The following DCUN1D5 variants were observed in gnomAD, a reference collection of about 807,000 sequenced individuals.
The protein encoded by DCUN1D5 is defective in cullin neddylation 1 domain containing 5, also known as DCN1-like protein 5.
Under a neutral mutation model 38.3 loss-of-function variants are expected in DCUN1D5, and 10 were observed. The observed-to-expected ratio is 0.26, with a 90% CI of 0.16 to 0.44. The LOEUF is 0.44. Ranked by LOEUF, DCUN1D5 falls within the 20% of genes least tolerant of loss-of-function variation. The pLI, the probability that DCUN1D5 is intolerant of heterozygous loss-of-function variation, is 1.00. For missense variants in DCUN1D5, 148 were observed against 275.3 expected (o/e 0.54, Z 3.27); for synonymous variants, 93 against 90.9 (o/e 1.02, Z -0.13).
At position 103,050,734 on chromosome 11, in the gene DCUN1D5, C is replaced by A. The variant is rs1861705764; in HGVS notation, c.*11625G>T. On this transcript the variant is annotated 3_prime_UTR_variant, in exon 8 of 8. Transcript: ENST00000260247. ...TTTATCTATTCATTTTCATTTATTC[C>A]ATTTATTGAGTGCTTTTCTATACTG... is the stretch of plus-strand genomic sequence containing the variant. The A allele has an allele frequency of 6.6e-6, 1 of 152,084 alleles. No individual in the cohort carries two copies. Among genetic ancestry groups the A allele is most frequent in the Non-Finnish European group, 1.5e-5 (1 of 68,014 alleles). The allele number at this position is 152,084 out of a possible 1,614,324, so 9.4% of individuals were successfully genotyped here.
In DCUN1D5 at chr11:103,073,316, A is replaced by C. The variant is rs1862326707; in HGVS notation, c.342-6749T>G. On this transcript the variant is annotated intron_variant, in intron 4 of 7. Transcript: ENST00000260247. This position sits in a 1 kb window ranked among gnomAD's most constrained non-coding sequence, Gnocchi z 4.2. Reference sequence around the variant, plus strand: ...AAAAAGAGAGAAGACAAAAATTACCAATATCAGGAATATTAAGAGTATTCA... The same window carrying C: ...AAAAAGAGAGAAGACAAAAATTACCCATATCAGGAATATTAAGAGTATTCA... Among the ~76,000 whole-genome samples, 1 of 152,232 alleles carries C rather than the reference A, an allele frequency of 6.6e-6. No individual in the cohort carries two copies. Among genetic ancestry groups the C allele is most frequent in the Non-Finnish European group, 1.5e-5 (1 of 68,028 alleles).
intron 2 of DCUN1D5, among the ~76,000 whole-genome samples, chr11:103,084,624 A>T (rs1451676582): frequency 1.3e-5 from 2 of 152,222 alleles, no homozygotes; most frequent in Non-Finnish European, 2.9e-5. Context: ...TACATATACA[A>T]TAAAGGTGTT....
rs575316050 is a variant in DCUN1D5 at position 103,092,128 on chromosome 11, G to C, written c.-256C>G. On this transcript the variant is annotated 5_prime_UTR_variant, in exon 1 of 8. Coordinates refer to ENST00000260247, the MANE Select transcript of DCUN1D5 (RefSeq NM_032299.4). ...GTTCTCACCGGGAGGAGATAACGCGGACAGCGCGGCAGCTCCACCAGTCAC... is the reference window on the plus strand; with the variant it reads ...GTTCTCACCGGGAGGAGATAACGCGCACAGCGCGGCAGCTCCACCAGTCAC... 1 of 451,190 alleles carries C rather than the reference G, an allele frequency of 2.2e-6. No homozygotes were observed. The highest frequency in any genetic ancestry group is 2.0e-5 in the African/African-American group (1 of 49,290). The allele number at this position is 451,190 out of a possible 1,614,324, so 27.9% of individuals were successfully genotyped here.
intron 4 of DCUN1D5, among the ~76,000 whole-genome samples, chr11:103,070,768 C>G (rs1862251555): frequency 6.6e-6 from 1 of 152,118 alleles, no homozygotes; most frequent in East Asian, 1.9e-4. Flanking sequence ...CAACAGAATA[C>G]ACATTCTTTT....
chr11:103,059,244 A>G lies in DCUN1D5; in HGVS notation c.*3115T>C, dbSNP rs1380888215. On this transcript the variant is annotated 3_prime_UTR_variant, in exon 8 of 8. Coordinates refer to ENST00000260247, the MANE Select transcript of DCUN1D5 (RefSeq NM_032299.4). ...TGTTGAAGAAATACTTCAAAGTGAA[A>G]TGTTTCATTTTATACGTATGTATCA... Among the ~76,000 whole-genome samples the G allele has an allele frequency of 6.6e-6, 1 of 152,154 alleles. No homozygotes were observed. Among genetic ancestry groups the G allele is most frequent in the Admixed American group, 6.6e-5 (1 of 15,260 alleles).
chr11:103,077,731 G>A lies in DCUN1D5; in HGVS notation c.341+5017C>T, dbSNP rs12294416. On this transcript the variant is annotated intron_variant, in intron 4 of 7. Transcript: ENST00000260247. This position sits in a 1 kb window ranked among gnomAD's most constrained non-coding sequence, Gnocchi z 4.3. ...TCCTAATCCATAAGTCCCAGTGACT[G>A]TGCTGTGACACATTGATGTGTAACA... 0.033 allele frequency among the ~76,000 whole-genome samples: 5,063 copies of A among 152,290 alleles called. 287 individuals are homozygous for A. Among genetic ancestry groups the A allele is most frequent in the African/African-American group, 0.12 (4,802 of 41,528 alleles).
Position 103,053,959 on chromosome 11 carries a change from T to C in DCUN1D5, c.*8400A>G, listed in dbSNP as rs1274006867. The C allele has an allele frequency of 6.6e-6, 1 of 152,126 alleles. No individual in the cohort carries two copies. The highest frequency in any genetic ancestry group is 1.5e-5 in the Non-Finnish European group (1 of 67,978). 9.4% of individuals were successfully genotyped at this position (152,126 alleles called of 1,614,324 possible). ...ATAAGGACTATTATTATCCTCATGT[T>C]ACAGACAAGGAAATGAAAGAACTAG... On this transcript the variant is annotated 3_prime_UTR_variant, in exon 8 of 8. Transcript: ENST00000260247. This position sits in a 1 kb window ranked among gnomAD's most constrained non-coding sequence, Gnocchi z 4.8.
chr11:103,062,395 TTCA>T lies in DCUN1D5; in HGVS notation c.675_677del (p.Asp225del), dbSNP rs775020924. On this transcript the variant is annotated inframe_deletion, in exon 8 of 8. Transcript: ENST00000260247. The surrounding 1 kb of genome is among the most constrained non-coding windows in gnomAD (Gnocchi z 4.6). Reference sequence around the variant, plus strand: ...GACGGACTTTTTGCCACTCAACAAATTCATCAAGAAGAACAGGCCCTAGAAAAA... The same window carrying T: ...GACGGACTTTTTGCCACTCAACAAATTCAAGAAGAACAGGCCCTAGAAAAA... 6.2e-7 allele frequency: 1 copy of T among 1,613,320 alleles called. No homozygotes were observed. The highest frequency in any genetic ancestry group is 2.2e-5 in the East Asian group (1 of 44,848).
In DCUN1D5 at chr11:103,083,246, TA is replaced by T. The variant is rs374525395; in HGVS notation, c.249+9del. On this transcript the variant is annotated intron_variant, in intron 3 of 7. Transcript: ENST00000260247. This position sits in a 1 kb window ranked among gnomAD's most constrained non-coding sequence, Gnocchi z 4.4. The stretch of plus-strand genomic sequence containing the variant: ...ACTTATATGCCATTCTACTTAGAAA[TA>T]AAACATACATTTTCAGGTTCAACAC... The T allele has an allele frequency of 2.4e-3, 3,510 of 1,485,242 alleles. 17 individuals carry two copies. Among genetic ancestry groups the T allele is most frequent in the South Asian group, 8.7e-3 (765 of 87,598 alleles). The allele number at this position is 1,485,242 out of a possible 1,614,324, so 92.0% of individuals were successfully genotyped here.
Position 103,087,240 on chromosome 11 carries a change from G to C in DCUN1D5, c.178+1987C>G, listed in dbSNP as rs575324101. On this transcript the variant is annotated intron_variant, in intron 2 of 7. Coordinates refer to ENST00000260247, the MANE Select transcript of DCUN1D5 (RefSeq NM_032299.4). This position sits in a 1 kb window ranked among gnomAD's most constrained non-coding sequence, Gnocchi z 4.1. ...GGCTGGAGTGCAGTGGTGTTATCTC[G>C]GCTCACTGTGAGCTCCGCCTCCTGG... Among the ~76,000 whole-genome samples, 5 of 149,088 alleles carry C rather than the reference G, an allele frequency of 3.4e-5. No homozygotes were observed. The highest frequency in any genetic ancestry group is 7.4e-5 in the Non-Finnish European group (5 of 67,504).
rs2134598579 is a variant in DCUN1D5, at chr11:103,061,986, T to C, written c.*373A>G. 1 of 185,938 alleles carries C rather than the reference T, an allele frequency of 5.4e-6. No homozygotes were observed. The highest frequency in any genetic ancestry group is 1.3e-4 in the South Asian group (1 of 7,456). 11.5% of individuals were successfully genotyped at this position (185,938 alleles called of 1,614,324 possible). A position where few individuals can be genotyped will look rare whatever the true frequency, so the allele number is the denominator to read the frequency against. On this transcript the variant is annotated 3_prime_UTR_variant, in exon 8 of 8. Coordinates refer to ENST00000260247, the MANE Select transcript of DCUN1D5 (RefSeq NM_032299.4). ...TAAGACTGTTTAAAATCTTGAAAAT[T>C]CTGTAAATTCACGGTGAATTGGAAC... is the stretch of plus-strand genomic sequence containing the variant.
At chr11:103,070,080 C>T (rs555174825) in intron 4 of DCUN1D5, among the ~76,000 whole-genome samples, 5 of 147,816 alleles carry the variant, frequency 3.4e-5, no homozygotes, top group Admixed American at 1.3e-4. Flanking sequence ...TAATTAAAAA[C>T]GTAATAGAAA....
chr11:103,086,778 C>T lies in DCUN1D5; in HGVS notation c.178+2449G>A, dbSNP rs1246180179. Among the ~76,000 whole-genome samples, 2 of 151,634 alleles carry T rather than the reference C, an allele frequency of 1.3e-5. No homozygotes were observed. Among genetic ancestry groups the T allele is most frequent in the African/African-American group, 4.8e-5 (2 of 41,256 alleles). On this transcript the variant is annotated intron_variant, in intron 2 of 7. Coordinates refer to ENST00000260247, the MANE Select transcript of DCUN1D5 (RefSeq NM_032299.4). The surrounding 1 kb of genome is among the most constrained non-coding windows in gnomAD (Gnocchi z 4.1). ...TATTGAATGGATGACAGAAATTAAC[C>T]AAGAGTACCAATATTTTCTTTGCAA...
rs1454218793 is a variant in DCUN1D5, at chr11:103,077,416, C to T, written c.341+5332G>A. 1.3e-5 allele frequency among the ~76,000 whole-genome samples: 2 copies of T among 152,086 alleles called. No homozygotes were observed. The highest frequency in any genetic ancestry group is 4.8e-5 in the African/African-American group (2 of 41,412). On this transcript the variant is annotated intron_variant, in intron 4 of 7. Transcript: ENST00000260247. The surrounding 1 kb of genome is among the most constrained non-coding windows in gnomAD (Gnocchi z 4.3). ...CCTCCGAAATAAAAAGAAATGCATA[C>T]TTAACTAGCGTACTATGGAAAGCAA...
intron 4 of DCUN1D5, among the ~76,000 whole-genome samples, chr11:103,081,065 A>G (rs578183625): frequency 2.6e-5 from 4 of 152,236 alleles, no homozygotes; most frequent in Non-Finnish European, 5.9e-5. Flanking sequence ...ACGCAAGACC[A>G]TATGATGTTG....
chr11:103,076,319 A>G (rs1452246422), intron 4 of DCUN1D5, among the ~76,000 whole-genome samples: 1 of 152,230 alleles, frequency 6.6e-6, no homozygotes, highest in Non-Finnish European at 1.5e-5. Context: ...CCTATCTGGG[A>G]GAAACTTAGT....
In DCUN1D5 at chr11:103,064,227, T is replaced by C. The variant is rs1862080914; in HGVS notation, c.658+48A>G. The C allele has an allele frequency of 6.8e-7, 1 of 1,471,358 alleles. No individual in the cohort carries two copies. 91.1% of individuals were successfully genotyped at this position (1,471,358 alleles called of 1,614,324 possible). A position where few individuals can be genotyped will look rare whatever the true frequency, so the allele number is the denominator to read the frequency against. ...TACACAAATGCATACTCTCATTTAA[T>C]ATTTTTGGAAATTTTGTTTTCAAAG... On this transcript the variant is annotated intron_variant, in intron 7 of 7. Transcript: ENST00000260247. The surrounding 1 kb of genome is among the most constrained non-coding windows in gnomAD (Gnocchi z 4.5).
rs895507974 is a variant in DCUN1D5 at position 103,054,235 on chromosome 11, T to G, written c.*8124A>C. On this transcript the variant is annotated 3_prime_UTR_variant, in exon 8 of 8. Coordinates refer to ENST00000260247, the MANE Select transcript of DCUN1D5 (RefSeq NM_032299.4). ...GCTGCCAATAACTGCTCTTGAGGAA[T>G]GGGGTTAAAGTCTGCTTGAAGAAGT... 6.6e-6 allele frequency: 1 copy of G among 152,164 alleles called. No homozygotes were observed. Among genetic ancestry groups the G allele is most frequent in the Non-Finnish European group, 1.5e-5 (1 of 67,964 alleles). The allele number at this position is 152,164 out of a possible 1,614,324, so 9.4% of individuals were successfully genotyped here.
chr11:103,090,945 C>A (rs528564180), intron 1 of DCUN1D5, among the ~76,000 whole-genome samples: 18 of 152,214 alleles, frequency 1.2e-4, no homozygotes, highest in Admixed American at 1.0e-3. Context: ...AACAAAAAAA[C>A]CATTTCTCAA....
Sources: allele counts gnomAD v4.1 joint callset (sites outside exome capture counted in the v4.1 genomes callset), GRCh38; gene constraint gnomAD v4.1.1; non-coding constraint Gnocchi (gnomAD v3.1); transcripts MANE v1.5; gene names NCBI Gene and HGNC (gene_info 2026-07-23, HGNC 2026-07-21).